PCOLCE2: variants seen among roughly 807,000 people sequenced by gnomAD.
PCOLCE2 encodes the protein procollagen C-proteinase enhancer 2.
A neutral mutation model predicts 47.0 loss-of-function variants in PCOLCE2; 42 were observed. The observed-to-expected ratio is 0.89, with a 90% CI of 0.70 to 1.16. The LOEUF (loss-of-function observed/expected upper bound fraction) is 1.16. Ranked by LOEUF, PCOLCE2 falls within the 50% of genes most tolerant of loss-of-function variation. The pLI is 0.00. For synonymous variants in PCOLCE2, 169 were observed against 191.7 expected, an observed-to-expected ratio of 0.88 and a Z score of 0.98; for missense variants, 500 against 526.1, an observed-to-expected ratio of 0.95 and a Z score of 0.49.
chr3:142,838,144 T>C (rs1937225386), intron 5 of PCOLCE2, among the ~76,000 whole-genome samples: 1 of 152,084 alleles, frequency 6.6e-6, no homozygotes, highest in Non-Finnish European at 1.5e-5. Context: ...CATCTGACCC[T>C]GGGGTATCAC....
At position 142,842,407 on chromosome 3, in the gene PCOLCE2, G is replaced by A. The variant is rs186648928; in HGVS notation, c.573+517C>T. ...CTGTTTTGAAAATTGTCATTATATA[G>A]CAGGAAATTAAATCCATGAATTTGC... On this transcript the variant is annotated intron_variant, in intron 4 of 8. Coordinates refer to ENST00000295992, the MANE Select transcript of PCOLCE2 (RefSeq NM_013363.4). This position sits in a 1 kb window ranked among gnomAD's most constrained non-coding sequence, Gnocchi z 4.1. Among the ~76,000 whole-genome samples, 14 of 152,180 alleles carry A rather than the reference G, an allele frequency of 9.2e-5. No homozygotes were observed. The highest frequency in any genetic ancestry group is 3.4e-4 in the African/African-American group (14 of 41,518).
chr3:142,827,080 A>T lies in PCOLCE2; in HGVS notation c.865+2612T>A. On this transcript the variant is annotated intron_variant, in intron 6 of 8. Transcript: ENST00000295992. ...TTTTTTTGGCATAAAGACAAACTTT[A>T]TTGAGCCCCTTAGCACTAGTTCTCT... is the stretch of plus-strand genomic sequence containing the variant. The T allele has an allele frequency of 3.9e-6, 5 of 1,278,566 alleles. No homozygotes were observed. In the South Asian group the frequency reaches 6.0e-5, roughly 15 times the overall value. 79.2% of individuals were successfully genotyped at this position (1,278,566 alleles called of 1,614,324 possible). A position where few individuals can be genotyped will look rare whatever the true frequency, so the allele number is the denominator to read the frequency against.
intron 2 of PCOLCE2, among the ~76,000 whole-genome samples, chr3:142,856,042 G>C (rs1933052681): frequency 6.6e-6 from 1 of 152,170 alleles, no homozygotes; most frequent in East Asian, 1.9e-4. Flanking sequence ...AGACACCTTT[G>C]TTGTTTGGGG....
chr3:142,858,228 C>G (rs1210971718), intron 2 of PCOLCE2, among the ~76,000 whole-genome samples: 1 of 152,190 alleles, frequency 6.6e-6, no homozygotes, highest in Non-Finnish European at 1.5e-5. Context: ...CAGTGTGCAC[C>G]TGGCCTTGCA....
chr3:142,852,258 G>A (rs531549540), intron 2 of PCOLCE2, among the ~76,000 whole-genome samples: 3 of 152,136 alleles, frequency 2.0e-5, no homozygotes, highest in Non-Finnish European at 4.4e-5. Flanking sequence ...GATCAAGATT[G>A]TCTGATGCCC....
intron 5 of PCOLCE2, among the ~76,000 whole-genome samples, chr3:142,836,978 C>A (rs1359115316): frequency 6.6e-6 from 1 of 152,190 alleles, no homozygotes; most frequent in Non-Finnish European, 1.5e-5. Context: ...AGGGGCTTTG[C>A]AGATGTGAGT....
intron 2 of PCOLCE2, among the ~76,000 whole-genome samples, chr3:142,856,670 G>A (rs1933066370): frequency 6.6e-6 from 1 of 152,228 alleles, no homozygotes; most frequent in South Asian, 2.1e-4. Context: ...ATCGTGCCAA[G>A]AGCTGTCGCA....
intron 5 of PCOLCE2, among the ~76,000 whole-genome samples, chr3:142,832,503 G>A (rs1389062157): frequency 6.6e-6 from 1 of 152,086 alleles, no homozygotes; most frequent in Admixed American, 6.6e-5. Context: ...CCTCCCTGCT[G>A]TCTCTAACTC....
intron 2 of PCOLCE2, among the ~76,000 whole-genome samples, chr3:142,859,982 AAGAC>A (rs1933147359): frequency 6.6e-6 from 1 of 152,228 alleles, no homozygotes; most frequent in Admixed American, 6.5e-5. Flanking sequence ...AAATGAGTAA[AAGAC>A]AGGCTTTACA....
At chr3:142,860,427 TG>T (rs1215437791) in intron 2 of PCOLCE2, among the ~76,000 whole-genome samples, 6 of 137,330 alleles carry the variant, frequency 4.4e-5, no homozygotes, top group African/African-American at 2.2e-4. Flanking sequence ...ATTGCCTTTT[TG>T]TTGTTGTTGT....
chr3:142,852,786 ATG>A (rs1308379002), intron 2 of PCOLCE2, among the ~76,000 whole-genome samples: 1 of 149,108 alleles, frequency 6.7e-6, no homozygotes, highest in Non-Finnish European at 1.5e-5. Context: ...ACCATGCAAA[ATG>A]CACAGTGACT....
chr3:142,882,273 C>G (rs1368761772), intron 2 of PCOLCE2, among the ~76,000 whole-genome samples: 2 of 152,080 alleles, frequency 1.3e-5, no homozygotes, highest in Admixed American at 1.3e-4. Context: ...TCTTGAACAC[C>G]TTGCTGCAAG....
intron 3 of PCOLCE2, among the ~76,000 whole-genome samples, chr3:142,845,235 T>C (rs1018204906): frequency 6.6e-6 from 1 of 152,224 alleles, no homozygotes; most frequent in Admixed American, 6.5e-5. Flanking sequence ...GGGATTATAA[T>C]ATGCATGTTT....
At chr3:142,870,706 ATTT>A (rs200280430) in intron 2 of PCOLCE2, among the ~76,000 whole-genome samples, 4 of 135,352 alleles carry the variant, frequency 3.0e-5, no homozygotes, top group Admixed American at 7.4e-5. Context: ...GAATGAGGCA[ATTT>A]TTTTTTTTTT....
chr3:142,885,615 A>G (rs1933705827), intron 2 of PCOLCE2, among the ~76,000 whole-genome samples: 1 of 152,178 alleles, frequency 6.6e-6, no homozygotes, highest in Non-Finnish European at 1.5e-5. Flanking sequence ...CTGAGAAAAC[A>G]CTGTGGGCAG....
intron 6 of PCOLCE2, among the ~76,000 whole-genome samples, chr3:142,826,253 CG>C (rs1281505072): frequency 7.2e-5 from 11 of 152,096 alleles, no homozygotes; most frequent in African/African-American, 2.7e-4. Flanking sequence ...ATGATCCACC[CG>C]CCTCGGCCTC....
intron 2 of PCOLCE2, among the ~76,000 whole-genome samples, chr3:142,869,986 T>C (rs1230849025): frequency 6.6e-6 from 1 of 152,244 alleles, no homozygotes; most frequent in East Asian, 1.9e-4. Flanking sequence ...ACACCATCAA[T>C]AGTAGGCCTG....
At chr3:142,861,123 T>C (rs189225089) in intron 2 of PCOLCE2, among the ~76,000 whole-genome samples, 9 of 152,350 alleles carry the variant, frequency 5.9e-5, no homozygotes, top group Admixed American at 3.9e-4. Context: ...AGGTACAGAA[T>C]TGTAGCTTTA....
intron 2 of PCOLCE2, among the ~76,000 whole-genome samples, chr3:142,854,981 T>G (rs1385194480): frequency 6.6e-6 from 1 of 152,236 alleles, no homozygotes; most frequent in Admixed American, 6.5e-5. Flanking sequence ...ACAACTTGGC[T>G]GTCATGCCAC....
Sources: gnomAD v4.1 joint callset for allele counts (sites outside exome capture counted in the v4.1 genomes callset) on GRCh38, gnomAD v4.1.1 for gene constraint, Gnocchi (gnomAD v3.1) non-coding constraint, MANE v1.5 for transcripts, NCBI Gene and HGNC (gene_info 2026-07-23, HGNC 2026-07-21) for gene names.